Variants in ANK1 observed in about 807,000 individuals in gnomAD.
ANK1 encodes the protein ankyrin-1.
A neutral mutation model predicts 210.4 loss-of-function variants in ANK1; 51 were observed. The observed-to-expected ratio is 0.24, with a 90% CI of 0.19 to 0.31. The LOEUF is 0.31. Among genes scored for constraint, ANK1 ranks in the 10% least tolerant of loss-of-function variants. The probability of loss-of-function intolerance (pLI) is 1.00; values close to 1 mark genes in which losing one functional copy is unlikely to be tolerated. For synonymous variants in ANK1, 967 were observed against 1,025.9 expected (o/e 0.94, Z 1.10); for missense variants, 2,051 against 2,504.4 (o/e 0.82, Z 3.86).
At chr8:41,756,645 G>A (rs1425796729) in intron 2 of ANK1, among the ~76,000 whole-genome samples, 14 of 152,010 alleles carry the variant, frequency 9.2e-5, no homozygotes, top group African/African-American at 3.1e-4. Flanking sequence ...GTTTCTCCAC[G>A]ATGGCCAGGC....
At chr8:41,812,378 G>A (rs1217309195) in intron 1 of ANK1, among the ~76,000 whole-genome samples, 3 of 152,148 alleles carry the variant, frequency 2.0e-5, no homozygotes, top group Non-Finnish European at 4.4e-5. Flanking sequence ...CTGATAGAGT[G>A]TCCTAAGCTG....
chr8:41,857,680 G>A (rs1456721798), intron 1 of ANK1, among the ~76,000 whole-genome samples: 4 of 151,692 alleles, frequency 2.6e-5, no homozygotes, highest in Admixed American at 6.6e-5. Context: ...TGAGGTTGCC[G>A]TGAGCCAAGA....
chr8:41,703,168 G>T (rs1823343521), intron 20 of ANK1, among the ~76,000 whole-genome samples: 2 of 151,836 alleles, frequency 1.3e-5, no homozygotes, highest in African/African-American at 4.8e-5. Flanking sequence ...AGCAGACACG[G>T]AGATAATTTC....
chr8:41,793,946 A>T (rs1848248601), intron 1 of ANK1, among the ~76,000 whole-genome samples: 2 of 152,340 alleles, frequency 1.3e-5, no homozygotes. Context: ...GTCATGCAGA[A>T]CTATGTCAAC....
chr8:41,687,508 A>G (rs1818021756), intron 35 of ANK1, among the ~76,000 whole-genome samples: 1 of 152,156 alleles, frequency 6.6e-6, no homozygotes, highest in Admixed American at 6.5e-5. Flanking sequence ...TGCACTCTCC[A>G]ACCAATCAAC....
At chr8:41,860,769 A>G (rs1813120420) in intron 1 of ANK1, among the ~76,000 whole-genome samples, 1 of 152,234 alleles carries the variant, frequency 6.6e-6, no homozygotes, top group Non-Finnish European at 1.5e-5. Context: ...AACATTTCCC[A>G]GGAAGTGACC....
chr8:41,863,468 C>G (rs761164876), intron 1 of ANK1, among the ~76,000 whole-genome samples: 1 of 152,172 alleles, frequency 6.6e-6, no homozygotes, highest in Non-Finnish European at 1.5e-5. Flanking sequence ...CATAATCTCA[C>G]CAGCTAAAGG....
At chr8:41,839,705 G>A (rs1312493292) in intron 1 of ANK1, among the ~76,000 whole-genome samples, 3 of 152,112 alleles carry the variant, frequency 2.0e-5, no homozygotes, top group Non-Finnish European at 4.4e-5. Context: ...AGAAAACAAG[G>A]GGTCATCTGT....
intron 1 of ANK1, among the ~76,000 whole-genome samples, chr8:41,802,896 A>G (rs1390073710): frequency 7.4e-6 from 1 of 134,616 alleles, no homozygotes; most frequent in Non-Finnish European, 1.6e-5. Flanking sequence ...CTGGGTAATG[A>G]GAATGAGACC....
At chr8:41,872,571 A>T (rs1416717689) in intron 1 of ANK1, among the ~76,000 whole-genome samples, 1 of 152,198 alleles carries the variant, frequency 6.6e-6, no homozygotes, top group Non-Finnish European at 1.5e-5. Context: ...CAGAAGCCCC[A>T]TGTCAGAGGC....
rs1377819581 is a variant in ANK1 at position 41,655,404 on chromosome 8, A to C, written c.*386T>G. On this transcript the variant is annotated 3_prime_UTR_variant, in exon 43 of 43. Transcript: ENST00000289734. The stretch of plus-strand genomic sequence containing the variant: ...GAAGTCAAAACAATTTAAAAAAAAA[A>C]CCCCAAAACCAAAACCCATCCCCAG... 1.6e-5 allele frequency: 5 copies of C among 310,202 alleles called. No homozygotes were observed. The highest frequency in any genetic ancestry group is 4.3e-5 in the African/African-American group (2 of 46,056). 19.2% of individuals were successfully genotyped at this position (310,202 alleles called of 1,614,324 possible). A position where few individuals can be genotyped will look rare whatever the true frequency, so the allele number is the denominator to read the frequency against.
chr8:41,896,407 T>C, exon 1 of ANK1: 1 of 1,604,074 alleles, frequency 6.2e-7, no homozygotes, highest in Non-Finnish European at 8.5e-7. Flanking sequence ...GGATTCCTCC[T>C]TCTCCTTCTG....
intron 39 of ANK1, 51 bp downstream of exon 39, chr8:41,668,216 C>A (rs1353880450): frequency 6.2e-7 from 1 of 1,613,156 alleles, no homozygotes; most frequent in Admixed American, 1.7e-5. Context: ...GTCCCGGCCC[C>A]TTCCGATGCT....
At chr8:41,775,293 A>T (rs1039982314) in intron 1 of ANK1, among the ~76,000 whole-genome samples, 4 of 152,224 alleles carry the variant, frequency 2.6e-5, no homozygotes, top group African/African-American at 9.6e-5. Flanking sequence ...TTATTTGAAC[A>T]ATTTGCCCCA....
chr8:41,875,982 G>GCA (rs886467320), intron 1 of ANK1, among the ~76,000 whole-genome samples: 3 of 151,984 alleles, frequency 2.0e-5, no homozygotes, highest in African/African-American at 7.2e-5. Context: ...CTGCCCGCGC[G>GCA]CACACACCCG....
chr8:41,859,020 C>T (rs1463620513), intron 1 of ANK1, among the ~76,000 whole-genome samples: 13 of 152,302 alleles, frequency 8.5e-5, no homozygotes, highest in Middle Eastern at 3.4e-3. Context: ...GTTGCTGACC[C>T]CACCAGGTTC....
chr8:41,809,317 C>A (rs1290731379), intron 1 of ANK1, among the ~76,000 whole-genome samples: 1 of 152,252 alleles, frequency 6.6e-6, no homozygotes, highest in Non-Finnish European at 1.5e-5. Context: ...TCTGTGAAAA[C>A]TTCCAAGCCA....
intron 15 of ANK1, 55 bp downstream of exon 15, chr8:41,714,921 C>T: frequency 6.5e-7 from 1 of 1,545,602 alleles, no homozygotes; most frequent in Admixed American, 1.7e-5. Flanking sequence ...GATGTCCATC[C>T]TCTGTCCTTG....
In ANK1 at chr8:41,672,577, T is replaced by C. The variant is rs113549815; in HGVS notation, c.4873A>G (p.Thr1625Ala). The change falls in exon 38 of 43, where the codon ACA (threonine) becomes GCA (alanine). Residue 1625 changes from threonine to alanine, a missense_variant. By Grantham distance (58) the Thr-to-Ala change is moderately conservative. Around this residue, in one of 6 missense-constraint regions of ANK1, gnomAD observed 496 missense variants for 533.4 expected, o/e 0.93. Transcript: ENST00000289734. ...CCATTTGTGGCATCTGAATCCACTG[T>C]GTCGTCCTCCACAAGTTCCAGAGAG... ...LGSLELVEDDTVDSDATNGLI... is the reference protein window; with the variant it reads ...LGSLELVEDDAVDSDATNGLI... 1.2e-6 allele frequency: 2 copies of C among 1,614,224 alleles called. No homozygotes were observed. The highest frequency in any genetic ancestry group is 1.7e-6 in the Non-Finnish European group (2 of 1,180,032).
Sources: allele counts gnomAD v4.1 joint callset (sites outside exome capture counted in the v4.1 genomes callset), GRCh38; gene constraint gnomAD v4.1.1; regional missense constraint gnomAD v4.1.1; transcripts MANE v1.5; gene names NCBI Gene and HGNC (gene_info 2026-07-23, HGNC 2026-07-21).